Variants in RUVBL1 observed in about 807,000 individuals in gnomAD.
RUVBL1 encodes the protein RuvB like AAA ATPase 1.
A neutral mutation model predicts 52.4 loss-of-function variants in RUVBL1; 4 were observed. The observed-to-expected ratio is 0.08, with a 90% CI of 0.04 to 0.17. The LOEUF (loss-of-function observed/expected upper bound fraction) is 0.17. Among genes scored for constraint, RUVBL1 ranks in the 10% least tolerant of loss-of-function variants. The pLI is 1.00. For missense variants in RUVBL1, 298 were observed against 572.8 expected (o/e 0.52, Z 4.90); for synonymous variants, 217 against 214.4 (o/e 1.01, Z -0.10).
At chr3:128,106,640 T>A (rs1943248734) in intron 3 of RUVBL1, among the ~76,000 whole-genome samples, 1 of 152,166 alleles carries the variant, frequency 6.6e-6, no homozygotes, top group Admixed American at 6.5e-5. Flanking sequence ...AGTGAATGGA[T>A]GAATGAATGA....
downstream of RUVBL1, among the ~76,000 whole-genome samples, chr3:128,080,230 T>G (rs1038200461): frequency 6.6e-6 from 1 of 152,220 alleles, no homozygotes; most frequent in Non-Finnish European, 1.5e-5. Flanking sequence ...CTGGCTCAAT[T>G]TGAGCAACAA....
chr3:128,115,025 T>C (rs1474406446), intron 2 of RUVBL1, among the ~76,000 whole-genome samples: 3 of 151,956 alleles, frequency 2.0e-5, no homozygotes, highest in Non-Finnish European at 4.4e-5. Flanking sequence ...AAAAGCTTCA[T>C]GTGTGTCTCG....
At chr3:128,101,511 C>A in intron 5 of RUVBL1, 48 bp downstream of exon 5, 2 of 1,571,322 alleles carry the variant, frequency 1.3e-6, no homozygotes, top group South Asian at 2.2e-5. Context: ...TAGGTCTTCT[C>A]ATGGCAAACA....
intron 9 of RUVBL1, among the ~76,000 whole-genome samples, chr3:128,073,289 C>A (rs1181262767): frequency 1.3e-5 from 2 of 152,188 alleles, no homozygotes; most frequent in Non-Finnish European, 1.5e-5. Flanking sequence ...GCACTCCGCT[C>A]CATCCATGGT....
intron 1 of RUVBL1, among the ~76,000 whole-genome samples, chr3:128,141,185 G>C (rs1344229632): frequency 1.3e-5 from 2 of 152,210 alleles, no homozygotes; most frequent in Non-Finnish European, 2.9e-5. Flanking sequence ...AAATTCTGAA[G>C]ATGGCTCTTC....
At chr3:128,102,343 A>G (rs1034133151) in intron 4 of RUVBL1, among the ~76,000 whole-genome samples, 7 of 152,268 alleles carry the variant, frequency 4.6e-5, no homozygotes, top group Admixed American at 3.9e-4. Context: ...CTGCCTGCTT[A>G]TATCTCCAGG....
intron 9 of RUVBL1, chr3:128,069,911 T>C: frequency 2.1e-6 from 1 of 471,842 alleles, no homozygotes; most frequent in Non-Finnish European, 3.8e-6. Context: ...GGGAATGGTA[T>C]AGGATTGTCC....
At chr3:128,070,579 G>A (rs952971165) in intron 9 of RUVBL1, 1 of 152,270 alleles carries the variant, frequency 6.6e-6, no homozygotes, top group African/African-American at 2.4e-5. Context: ...CTTCTGGGCT[G>A]AAGATCACCC....
At chr3:128,106,128 C>A (rs545469803) in intron 3 of RUVBL1, among the ~76,000 whole-genome samples, 3 of 152,250 alleles carry the variant, frequency 2.0e-5, no homozygotes, top group Admixed American at 6.5e-5. Context: ...GATCCACCCA[C>A]CTTGGCCTCC....
intron 1 of RUVBL1, among the ~76,000 whole-genome samples, chr3:128,121,221 G>A (rs533594998): frequency 2.0e-5 from 3 of 151,252 alleles, no homozygotes; most frequent in South Asian, 2.1e-4. Flanking sequence ...TCAGCCTCAC[G>A]AATAACTGAG....
At chr3:128,118,130 A>G (rs1009593703) in intron 2 of RUVBL1, among the ~76,000 whole-genome samples, 13 of 152,068 alleles carry the variant, frequency 8.5e-5, no homozygotes, top group African/African-American at 3.1e-4. Context: ...GGGAAAGAGA[A>G]GGTCTAAGAT....
intron 1 of RUVBL1, among the ~76,000 whole-genome samples, chr3:128,150,624 C>CTA (rs202202563): frequency 4.7e-4 from 47 of 99,512 alleles, no homozygotes; most frequent in Middle Eastern, 6.2e-3. Context: ...AATATATATT[C>CTA]TATGTATATA....
At chr3:128,128,567 G>A (rs2107726882), upstream of RUVBL1, among the ~76,000 whole-genome samples, 1 of 152,288 alleles carries the variant, frequency 6.6e-6, no homozygotes, top group East Asian at 1.9e-4. Context: ...AAAAGGGGAA[G>A]AAGAGGACAT....
At chr3:128,146,637 T>G (rs1944108501) in intron 1 of RUVBL1, among the ~76,000 whole-genome samples, 1 of 150,900 alleles carries the variant, frequency 6.6e-6, no homozygotes, top group Admixed American at 6.6e-5. Context: ...TGTGCGTGCA[T>G]GTATGCGTGT....
At chr3:128,065,226 A>G (rs1399015065) in intron 9 of RUVBL1, 1 of 699,408 alleles carries the variant, frequency 1.4e-6, no homozygotes, top group South Asian at 1.6e-5. Context: ...GGGACCTGCC[A>G]TTAACGAAAC....
intron 1 of RUVBL1, among the ~76,000 whole-genome samples, chr3:128,150,629 TATATATTCTATAC>T (rs1424596914): frequency 4.8e-5 from 5 of 103,208 alleles, no homozygotes; most frequent in East Asian, 2.0e-4. Context: ...ATATTCTATG[TATATATTCTATAC>T]ATATATTCTA....
chr3:128,096,437 A>C (rs1942971258), intron 8 of RUVBL1, among the ~76,000 whole-genome samples: 1 of 152,216 alleles, frequency 6.6e-6, no homozygotes, highest in Non-Finnish European at 1.5e-5. Flanking sequence ...TCCAGGGGTC[A>C]ACATCTGCCC....
At chr3:128,146,746 C>T (rs759863391) in intron 1 of RUVBL1, among the ~76,000 whole-genome samples, 1 of 147,118 alleles carries the variant, frequency 6.8e-6, no homozygotes, top group Admixed American at 6.7e-5. Flanking sequence ...GCTGTGTGCA[C>T]GTGTGTGTAC....
intron 1 of RUVBL1, among the ~76,000 whole-genome samples, chr3:128,134,458 CAAAA>C (rs55972505): frequency 2.8e-5 from 3 of 107,572 alleles, no homozygotes; most frequent in Admixed American, 1.0e-4. Flanking sequence ...GTGAAACTGT[CAAAA>C]AAAAAAAAAA....
Sources: allele counts gnomAD v4.1 joint callset (sites outside exome capture counted in the v4.1 genomes callset), GRCh38; gene constraint gnomAD v4.1.1; transcripts MANE v1.5; gene names NCBI Gene and HGNC (gene_info 2026-07-23, HGNC 2026-07-21).